The following ZNF804B variants were observed in gnomAD, a reference collection of about 807,000 sequenced individuals.
ZNF804B encodes the protein zinc finger 804B.
Under a neutral mutation model 101.4 loss-of-function variants are expected in ZNF804B, and 80 were observed. The observed-to-expected ratio is 0.79, with a 90% CI of 0.66 to 0.95. ZNF804B has a LOEUF of 0.95. ZNF804B is among the 40% of genes least tolerant of loss of function. The pLI is 0.00. For synonymous variants in ZNF804B, 622 were observed against 558.8 expected, an observed-to-expected ratio of 1.11 and a Z score of -1.59; for missense variants, 1,673 against 1,561.9, an observed-to-expected ratio of 1.07 and a Z score of -1.20.
At chr7:89,115,946 G>A (rs1463892246) in intron 1 of ZNF804B, among the ~76,000 whole-genome samples, 4 of 145,628 alleles carry the variant, frequency 2.7e-5, no homozygotes, top group African/African-American at 1.0e-4. Flanking sequence ...CACTCCAGTT[G>A]CCCAGACTGG....
At chr7:88,807,037 GT>G (rs1186028624) in intron 1 of ZNF804B, among the ~76,000 whole-genome samples, 2 of 152,032 alleles carry the variant, frequency 1.3e-5, no homozygotes, top group African/African-American at 2.4e-5. Context: ...TCAAAAAACT[GT>G]TTTCTTTGTG....
intron 1 of ZNF804B, among the ~76,000 whole-genome samples, chr7:89,055,268 T>A (rs1789272930): frequency 6.6e-6 from 1 of 151,990 alleles, no homozygotes; most frequent in Admixed American, 6.6e-5. Context: ...AAGACAAGAA[T>A]GGTGGAAAGT....
At chr7:89,156,077 T>C (rs376540887) in intron 1 of ZNF804B, among the ~76,000 whole-genome samples, 2 of 69,102 alleles carry the variant, frequency 2.9e-5, no homozygotes, top group South Asian at 1.1e-3. Flanking sequence ...TCTTTCTCTC[T>C]TTCTCTCTTT....
At chr7:88,956,184 C>CA (rs1323580947) in intron 1 of ZNF804B, among the ~76,000 whole-genome samples, 1 of 151,360 alleles carries the variant, frequency 6.6e-6, no homozygotes, top group Admixed American at 6.6e-5. Context: ...GGAGGTTTCT[C>CA]AAAAAACTAA....
intron 1 of ZNF804B, among the ~76,000 whole-genome samples, chr7:89,212,946 A>G (rs977413709): frequency 1.3e-5 from 2 of 152,142 alleles, no homozygotes; most frequent in Non-Finnish European, 2.9e-5. Flanking sequence ...GCCATGTGGT[A>G]TACTTAGTAC....
chr7:89,105,524 C>T (rs1452736587), intron 1 of ZNF804B, among the ~76,000 whole-genome samples: 9 of 151,976 alleles, frequency 5.9e-5, no homozygotes, highest in African/African-American at 9.7e-5. Flanking sequence ...TTTCCTTGAC[C>T]GTGGGCCAGT....
intron 1 of ZNF804B, among the ~76,000 whole-genome samples, chr7:88,846,508 A>G (rs180813201): frequency 1.3e-5 from 2 of 152,280 alleles, no homozygotes; most frequent in East Asian, 1.9e-4. Context: ...GTAAGTAGAC[A>G]TTTATCCACA....
intron 2 of ZNF804B, among the ~76,000 whole-genome samples, chr7:89,315,431 A>G (rs1193718643): frequency 6.6e-6 from 1 of 152,206 alleles, no homozygotes; most frequent in Non-Finnish European, 1.5e-5. Flanking sequence ...TCTATAAATT[A>G]TACCTCTGCA....
intron 1 of ZNF804B, among the ~76,000 whole-genome samples, chr7:89,037,844 C>T (rs566714097): frequency 2.6e-4 from 39 of 152,188 alleles, no homozygotes; most frequent in African/African-American, 7.5e-4. Context: ...CCGTTCTAAG[C>T]GGCAAATGAA....
At chr7:89,124,708 G>A (rs1325875363) in intron 1 of ZNF804B, among the ~76,000 whole-genome samples, 1 of 152,160 alleles carries the variant, frequency 6.6e-6, no homozygotes, top group Admixed American at 6.6e-5. Context: ...GCAGGTAAAT[G>A]TGGAAAGAAT....
Position 89,335,672 on chromosome 7 carries a change from G to A in ZNF804B, c.2690G>A (p.Ser897Asn), listed in dbSNP as rs1648671805. 1 of 1,613,920 alleles carries A rather than the reference G, an allele frequency of 6.2e-7. No homozygotes were observed. The highest frequency in any genetic ancestry group is 1.3e-5 in the African/African-American group (1 of 74,918). ...RPMKCNSGNI[S>N]CLLKNCSSGP... ...ATGAAGTGTAACTCCGGGAATATCA[G>A]CTGCCTTCTAAAGAACTGTTCCAGT... Residue 897 changes from serine to asparagine, a missense_variant, in exon 4 of 4, where the codon AGC becomes AAC. Coordinates refer to ENST00000333190, the MANE Select transcript of ZNF804B (RefSeq NM_181646.5).
chr7:88,796,678 T>G (rs6944717), intron 1 of ZNF804B, among the ~76,000 whole-genome samples: 51,586 of 151,992 alleles, frequency 0.34, 10,154 homozygotes, highest in East Asian at 0.68. Flanking sequence ...GGAAAATACT[T>G]AGGCTCTGCG....
chr7:88,814,996 T>C (rs981546584), intron 1 of ZNF804B, among the ~76,000 whole-genome samples: 1 of 150,220 alleles, frequency 6.7e-6, no homozygotes, highest in African/African-American at 2.4e-5. Context: ...TGCAAATTTC[T>C]TGGTTTAAAA....
At chr7:88,788,383 C>A (rs1790333901) in intron 1 of ZNF804B, among the ~76,000 whole-genome samples, 1 of 152,122 alleles carries the variant, frequency 6.6e-6, no homozygotes, top group South Asian at 2.1e-4. Flanking sequence ...TGCTCCTCCC[C>A]CAGAGCCTTT....
At chr7:88,993,895 G>A (rs1001085026) in intron 1 of ZNF804B, among the ~76,000 whole-genome samples, 4 of 151,798 alleles carry the variant, frequency 2.6e-5, no homozygotes, top group African/African-American at 9.7e-5. Flanking sequence ...GATTATACAG[G>A]CTCTCTCCCA....
At chr7:89,271,049 AC>A (rs1274701545) in intron 2 of ZNF804B, among the ~76,000 whole-genome samples, 3 of 152,200 alleles carry the variant, frequency 2.0e-5, no homozygotes, top group East Asian at 1.9e-4. Flanking sequence ...CTAATTGAAT[AC>A]CCTTTATTTC....
intron 1 of ZNF804B, among the ~76,000 whole-genome samples, chr7:89,016,534 C>G (rs1315791681): frequency 6.7e-6 from 1 of 150,028 alleles, no homozygotes; most frequent in Non-Finnish European, 1.5e-5. Context: ...AGGAAGGGAT[C>G]CAGTTTCAGC....
intron 1 of ZNF804B, among the ~76,000 whole-genome samples, chr7:88,854,561 TCC>T (rs1562813010): frequency 7.9e-6 from 1 of 126,376 alleles, no homozygotes; most frequent in Non-Finnish European, 1.6e-5. Flanking sequence ...CTTCCTTCCT[TCC>T]TTCCTTCCTT....
intron 1 of ZNF804B, among the ~76,000 whole-genome samples, chr7:89,048,973 T>C (rs572775260): frequency 6.6e-6 from 1 of 152,094 alleles, no homozygotes; most frequent in African/African-American, 2.4e-5. Context: ...ATACTTCTTA[T>C]AAAATATTTG....
Sources: gnomAD v4.1 joint callset for allele counts (sites outside exome capture counted in the v4.1 genomes callset) on GRCh38, gnomAD v4.1.1 for gene constraint, MANE v1.5 for transcripts, NCBI Gene and HGNC (gene_info 2026-07-23, HGNC 2026-07-21) for gene names.